Variants in NEDD4L observed in about 807,000 individuals in gnomAD.
NEDD4L encodes E3 ubiquitin-protein ligase NEDD4-like.
Under a neutral mutation model 148.9 loss-of-function variants are expected in NEDD4L, and 54 were observed. That is an observed-to-expected ratio of 0.36 (90% CI 0.29 to 0.45). The LOEUF is 0.45. NEDD4L is among the 20% of genes least tolerant of loss of function. NEDD4L has a pLI of 1.00. For missense variants in NEDD4L, 856 were observed against 1,233.8 expected (o/e 0.69, Z 4.59); for synonymous variants, 433 against 440.7 (o/e 0.98, Z 0.22).
intron 2 of NEDD4L, among the ~76,000 whole-genome samples, chr18:58,177,871 A>G (rs2038361843): frequency 6.6e-6 from 1 of 152,252 alleles, no homozygotes; most frequent in Non-Finnish European, 1.5e-5. Flanking sequence ...AAGGTTATTT[A>G]TAAGTTAAGT....
chr18:58,109,919 G>A (rs1299072651), intron 1 of NEDD4L, among the ~76,000 whole-genome samples: 1 of 152,132 alleles, frequency 6.6e-6, no homozygotes, highest in Non-Finnish European at 1.5e-5. Flanking sequence ...TACAGTTTTA[G>A]GAAGACCAAA....
chr18:58,303,163 G>A (rs1012719165), intron 5 of NEDD4L, among the ~76,000 whole-genome samples: 1 of 152,210 alleles, frequency 6.6e-6, no homozygotes, highest in African/African-American at 2.4e-5. Flanking sequence ...TGTAGCCCAT[G>A]TACACAGTGA....
At position 58,401,132 on chromosome 18, in the gene NEDD4L, CA is replaced by C. The variant is rs2050820477; in HGVS notation, c.*4864del. The stretch of plus-strand genomic sequence containing the variant: ...ATTCAGGATCTATCATCAAATGAAA[CA>C]TGAAAAAAACAGTGACTTTTAAGGT... On this transcript the variant is annotated 3_prime_UTR_variant, in exon 31 of 31. Transcript: ENST00000400345. 6.6e-6 allele frequency: 1 copy of C among 151,944 alleles called. No individual in the cohort carries two copies. The highest frequency in any genetic ancestry group is 2.4e-5 in the African/African-American group (1 of 41,380). 9.4% of individuals were successfully genotyped at this position (151,944 alleles called of 1,614,324 possible).
chr18:58,135,265 G>A (rs529771506), intron 1 of NEDD4L, among the ~76,000 whole-genome samples: 9 of 152,324 alleles, frequency 5.9e-5, no homozygotes, highest in African/African-American at 1.2e-4. Flanking sequence ...CTTCCAGAAC[G>A]AGGAGAGAAG....
intron 5 of NEDD4L, among the ~76,000 whole-genome samples, chr18:58,293,824 G>A (rs904269581): frequency 2.6e-5 from 4 of 152,186 alleles, no homozygotes; most frequent in Non-Finnish European, 5.9e-5. Flanking sequence ...CTGGGCTCAA[G>A]CAATCCTCCC....
chr18:58,141,706 A>G (rs2146143254), intron 1 of NEDD4L, among the ~76,000 whole-genome samples: 1 of 152,324 alleles, frequency 6.6e-6, no homozygotes, highest in African/African-American at 2.4e-5. Flanking sequence ...TTAAGAATGC[A>G]TGTATTATAT....
chr18:58,324,910 A>AAGGGCATGC, intron 8 of NEDD4L, 86 bp from the exon 9 acceptor site: 1 of 1,242,230 alleles, frequency 8.1e-7, no homozygotes, highest in Non-Finnish European at 1.1e-6. Flanking sequence ...GAGCAAGGAG[A>AAGGGCATGC]AGGGCATGCA....
At chr18:58,165,067 T>C (rs1304080094) in intron 1 of NEDD4L, among the ~76,000 whole-genome samples, 1 of 152,244 alleles carries the variant, frequency 6.6e-6, no homozygotes, top group Non-Finnish European at 1.5e-5. Flanking sequence ...TCTAGTTCTC[T>C]AAGCTGTCAT....
intron 2 of NEDD4L, among the ~76,000 whole-genome samples, chr18:58,201,914 C>T (rs752328598): frequency 1.1e-4 from 17 of 152,156 alleles, no homozygotes; most frequent in East Asian, 7.7e-4. Context: ...TATACGCTGA[C>T]GGAAGTTCAT....
intron 5 of NEDD4L, among the ~76,000 whole-genome samples, chr18:58,293,211 A>G (rs2055023821): frequency 1.3e-5 from 2 of 152,216 alleles, no homozygotes; most frequent in East Asian, 3.8e-4. Flanking sequence ...TACAGCCCAT[A>G]CATGGATTTG....
rs2081492245 is a variant in NEDD4L at position 58,044,723 on chromosome 18, C to T, written c.48+15C>T. On this transcript the variant is annotated intron_variant, in intron 1 of 30. Coordinates refer to ENST00000400345, the MANE Select transcript of NEDD4L (RefSeq NM_001144967.3). ...CCGAAGACGAGGTGAGTGGCACCCC[C>T]TTCCTGCTCGGGACTCCCCGGGGAG... The T allele has an allele frequency of 6.2e-7, 1 of 1,604,530 alleles. No individual in the cohort carries two copies.
chr18:58,357,425 C>G (rs1330079906), intron 19 of NEDD4L, 173 bp downstream of exon 19: 1 of 724,176 alleles, frequency 1.4e-6, no homozygotes, highest in Non-Finnish European at 2.5e-6. Context: ...TGAGGTACAG[C>G]TGCATGTGCC....
intron 1 of NEDD4L, among the ~76,000 whole-genome samples, chr18:58,077,135 G>A (rs1336395459): frequency 7.0e-6 from 1 of 142,534 alleles, no homozygotes; most frequent in African/African-American, 2.6e-5. Context: ...ACAGGCGTGA[G>A]CCACCATACC....
intron 23 of NEDD4L, 99 bp downstream of exon 23, chr18:58,370,566 G>A: frequency 1.3e-6 from 1 of 772,472 alleles, no homozygotes; most frequent in Non-Finnish European, 2.4e-6. Context: ...ACTTTTATGG[G>A]TGTTGCATTC....
At chr18:58,078,877 G>C (rs2083299287) in intron 1 of NEDD4L, among the ~76,000 whole-genome samples, 1 of 152,116 alleles carries the variant, frequency 6.6e-6, no homozygotes, top group South Asian at 2.1e-4. Flanking sequence ...CAGACTGCTG[G>C]ATTGCAATGG....
intron 1 of NEDD4L, among the ~76,000 whole-genome samples, chr18:58,077,200 G>C (rs1419042546): frequency 1.0e-5 from 1 of 100,336 alleles, no homozygotes; most frequent in African/African-American, 4.3e-5. Flanking sequence ...TTGAGACAGG[G>C]TCCCACTTTG....
rs1448941480 is a variant in NEDD4L at position 58,165,358 on chromosome 18, A to G, written c.49-430A>G. Among the ~76,000 whole-genome samples, 6 of 152,336 alleles carry G rather than the reference A, an allele frequency of 3.9e-5. No individual in the cohort carries two copies. In the South Asian group the frequency reaches 8.3e-4, roughly 21 times the overall value. On this transcript the variant is annotated intron_variant, in intron 1 of 30. Transcript: ENST00000400345. ...CACTATAATTTTGAAATGTTTTACC[A>G]CATTAAATTCTTTTCTATTGCAGGT... is the stretch of plus-strand genomic sequence containing the variant.
chr18:58,087,301 C>T (rs1007140187), intron 1 of NEDD4L, among the ~76,000 whole-genome samples: 1 of 152,150 alleles, frequency 6.6e-6, no homozygotes, highest in Non-Finnish European at 1.5e-5. Context: ...TCTCCTTTTC[C>T]AGTTTCCAGT....
chr18:58,298,334 T>A (rs1262483146), intron 5 of NEDD4L, among the ~76,000 whole-genome samples: 1 of 152,216 alleles, frequency 6.6e-6, no homozygotes, highest in South Asian at 2.1e-4. Context: ...TGGGAATACC[T>A]GATGTTCAGC....
Sources: allele counts gnomAD v4.1 joint callset (sites outside exome capture counted in the v4.1 genomes callset), GRCh38; gene constraint gnomAD v4.1.1; transcripts MANE v1.5; gene names NCBI Gene and HGNC (gene_info 2026-07-23, HGNC 2026-07-21).